Variants in E2F3 observed in about 807,000 individuals in gnomAD.
The protein encoded by E2F3 is E2F transcription factor 3, also known as transcription factor E2F3.
Under a neutral mutation model 44.4 loss-of-function variants are expected in E2F3, and 11 were observed. The ratio of observed to expected loss-of-function variants is 0.25; its 90% CI spans 0.16 to 0.41. The LOEUF (loss-of-function observed/expected upper bound fraction) is 0.41. Ranked by LOEUF, E2F3 falls within the 10% of genes least tolerant of loss-of-function variation. The pLI, the probability that E2F3 is intolerant of heterozygous loss-of-function variation, is 1.00. For synonymous variants in E2F3, 249 were observed against 253.0 expected, an observed-to-expected ratio of 0.98 and a Z score of 0.15; for missense variants, 487 against 583.6, an observed-to-expected ratio of 0.83 and a Z score of 1.70.
At chr6:20,461,880 T>G (rs1463538866) in intron 1 of E2F3, among the ~76,000 whole-genome samples, 1 of 152,210 alleles carries the variant, frequency 6.6e-6, no homozygotes, top group Non-Finnish European at 1.5e-5. Flanking sequence ...CGTCAACCCC[T>G]GGCTTCAAGC....
chr6:20,424,367 CAG>C (rs1017928786), intron 1 of E2F3, among the ~76,000 whole-genome samples: 16 of 99,374 alleles, frequency 1.6e-4, no homozygotes, highest in African/African-American at 5.1e-4. Context: ...CAGAGAGACA[CAG>C]AGAGAGTGTG....
Position 20,402,363 on chromosome 6 carries a change from TCGCCGC to T in E2F3, c.144_149del (p.Ala52_Ala53del), listed in dbSNP as rs559169760. On this transcript the variant is annotated inframe_deletion, in exon 1 of 7. Transcript: ENST00000346618. This position sits in a 1 kb window ranked among gnomAD's most constrained non-coding sequence, Gnocchi z 5.6. ...AGGGCACTGCTAGCCAGCCCCGGCT[TCGCCGC>T]CGCCGCCGCCGCTGCCGCCGCCCCG... is the stretch of plus-strand genomic sequence containing the variant. The T allele has an allele frequency of 1.7e-5, 28 of 1,605,438 alleles. No homozygotes were observed. The highest frequency in any genetic ancestry group is 8.8e-5 in the South Asian group (8 of 90,672).
At chr6:20,411,471 G>C (rs1277968703) in intron 1 of E2F3, among the ~76,000 whole-genome samples, 1 of 152,116 alleles carries the variant, frequency 6.6e-6, no homozygotes, top group African/African-American at 2.4e-5. Context: ...CCCTCTGCCT[G>C]GCTCTTAGAA....
At chr6:20,471,337 C>A (rs953768847) in intron 1 of E2F3, among the ~76,000 whole-genome samples, 1 of 152,174 alleles carries the variant, frequency 6.6e-6, no homozygotes, top group Non-Finnish European at 1.5e-5. Context: ...AATGCCAGCA[C>A]TTTGGGAGGC....
chr6:20,445,067 T>C (rs1455193991), intron 1 of E2F3: 1 of 985,312 alleles, frequency 1.0e-6, no homozygotes, highest in Non-Finnish European at 1.2e-6. Context: ...ACACCCTGAG[T>C]GTCAAGTTCC....
chr6:20,440,647 G>T (rs1323991189), intron 1 of E2F3, among the ~76,000 whole-genome samples: 1 of 152,184 alleles, frequency 6.6e-6, no homozygotes, highest in Non-Finnish European at 1.5e-5. Context: ...TTTCCATAAT[G>T]ATCTGAAGTG....
At chr6:20,412,190 G>T (rs1190005870) in intron 1 of E2F3, among the ~76,000 whole-genome samples, 1 of 152,196 alleles carries the variant, frequency 6.6e-6, no homozygotes, top group Non-Finnish European at 1.5e-5. Flanking sequence ...GAAAGTGCCA[G>T]AGGAACAGGT....
chr6:20,455,026 TA>T, intron 1 of E2F3, among the ~76,000 whole-genome samples: 1 of 152,196 alleles, frequency 6.6e-6, no homozygotes. Flanking sequence ...ATATCGAAGT[TA>T]GTTTAAGAAC....
intron 1 of E2F3, among the ~76,000 whole-genome samples, chr6:20,457,173 C>T (rs1176040057): frequency 6.6e-6 from 1 of 151,638 alleles, no homozygotes; most frequent in Non-Finnish European, 1.5e-5. Context: ...TGAGATCCTT[C>T]ATTCTCTCTT....
chr6:20,410,815 T>TTTCA (rs1426148871), intron 1 of E2F3, among the ~76,000 whole-genome samples: 9 of 152,172 alleles, frequency 5.9e-5, no homozygotes, highest in African/African-American at 1.9e-4. Flanking sequence ...AGGGACGGGG[T>TTTCA]TTCACCATGT....
At chr6:20,478,404 C>T (rs868591588) in intron 1 of E2F3, among the ~76,000 whole-genome samples, 2 of 152,228 alleles carry the variant, frequency 1.3e-5, no homozygotes, top group Middle Eastern at 3.2e-3. Context: ...CAGTGGCTAT[C>T]GTAGTAGACG....
intron 1 of E2F3, among the ~76,000 whole-genome samples, chr6:20,406,767 G>A (rs1000386625): frequency 2.0e-5 from 3 of 152,060 alleles, no homozygotes; most frequent in East Asian, 3.9e-4. Flanking sequence ...TATGCTTAGC[G>A]GCTTTTGTTA....
intron 1 of E2F3, among the ~76,000 whole-genome samples, chr6:20,470,835 C>A (rs1391646069): frequency 6.6e-6 from 1 of 152,184 alleles, no homozygotes; most frequent in Non-Finnish European, 1.5e-5. Flanking sequence ...TCCCTCCCCA[C>A]CACGAAGCTG....
At chr6:20,414,008 A>T (rs73731188) in intron 1 of E2F3, among the ~76,000 whole-genome samples, 1 of 152,086 alleles carries the variant, frequency 6.6e-6, no homozygotes, top group Non-Finnish European at 1.5e-5. Context: ...GTCAGAATGG[A>T]TGGGGTGGTT....
intron 1 of E2F3, among the ~76,000 whole-genome samples, chr6:20,471,352 G>A (rs1167354535): frequency 6.6e-6 from 1 of 152,188 alleles, no homozygotes; most frequent in Admixed American, 6.5e-5. Context: ...GGAGGCCGAA[G>A]CGGGTGCATC....
chr6:20,429,811 C>T (rs1419202320), intron 1 of E2F3, among the ~76,000 whole-genome samples: 1 of 151,914 alleles, frequency 6.6e-6, no homozygotes, highest in South Asian at 2.1e-4. Context: ...GTGCTTACTA[C>T]ATTTTAATTG....
At chr6:20,455,852 C>G (rs140657454) in intron 1 of E2F3, among the ~76,000 whole-genome samples, 1,730 of 152,158 alleles carry the variant, frequency 0.011, 15 homozygotes, top group Non-Finnish European at 0.014. Context: ...CCCTTGGGAA[C>G]CCAGGGAAAG....
Position 20,409,674 on chromosome 6 carries a change from T to C in E2F3, c.393+7049T>C, listed in dbSNP as rs142928918. ...CAAAGTGGCTAATCAGTTAACTCTT[T>C]AAGAGGAAATTGTCATTCCTTTAGC... On this transcript the variant is annotated intron_variant, in intron 1 of 6. Transcript: ENST00000346618. Among the ~76,000 whole-genome samples, 208 of 152,362 alleles carry C rather than the reference T, an allele frequency of 1.4e-3. 1 individual carries two copies. Among genetic ancestry groups the C allele is most frequent in the African/African-American group, 4.6e-3 (193 of 41,590 alleles).
At chr6:20,434,598 C>T (rs1293232209) in intron 1 of E2F3, among the ~76,000 whole-genome samples, 1 of 152,120 alleles carries the variant, frequency 6.6e-6, no homozygotes, top group Non-Finnish European at 1.5e-5. Context: ...TCTGCTTGCT[C>T]TTTCTGAATA....
Sources: allele counts gnomAD v4.1 joint callset (sites outside exome capture counted in the v4.1 genomes callset), GRCh38; gene constraint gnomAD v4.1.1; non-coding constraint Gnocchi (gnomAD v3.1); transcripts MANE v1.5; gene names NCBI Gene and HGNC (gene_info 2026-07-23, HGNC 2026-07-21).